The following TMEM131L variants were observed in gnomAD, a reference collection of about 807,000 sequenced individuals.
TMEM131L encodes the protein transmembrane protein 131-like.
TMEM131L carries 54 observed loss-of-function variants against 192.2 expected under a neutral mutation model. The observed-to-expected ratio is 0.28, with a 90% CI of 0.23 to 0.35. The LOEUF is 0.35. TMEM131L is among the 10% of genes least tolerant of loss of function. The pLI, the probability that TMEM131L is intolerant of heterozygous loss-of-function variation, is 1.00. For synonymous variants in TMEM131L, 701 were observed against 704.9 expected, an observed-to-expected ratio of 0.99 and a Z score of 0.09; for missense variants, 1,888 against 1,972.9, an observed-to-expected ratio of 0.96 and a Z score of 0.82.
Position 153,576,962 on chromosome 4 carries a change from G to T in TMEM131L, c.661-3864G>T, listed in dbSNP as rs144901548. Among the ~76,000 whole-genome samples the T allele has an allele frequency of 8.4e-4, 128 of 152,258 alleles. No individual in the cohort carries two copies. The South Asian group carries it at 0.01, about 12-fold the overall frequency. On this transcript the variant is annotated intron_variant, in intron 7 of 34. Transcript: ENST00000409959. ...GATAGGCATTGTGCATTCGAAGCACGAGATGCTTAGAATCTCCTGGCGTAG... is the reference window on the plus strand; with the variant it reads ...GATAGGCATTGTGCATTCGAAGCACTAGATGCTTAGAATCTCCTGGCGTAG...
chr4:153,570,347 A>G (rs1476683697), intron 7 of TMEM131L, among the ~76,000 whole-genome samples: 1 of 152,176 alleles, frequency 6.6e-6, no homozygotes, highest in Non-Finnish European at 1.5e-5. Flanking sequence ...AGAGAGCCTC[A>G]CCTTGGTTTC....
chr4:153,604,046 A>G lies in TMEM131L; in HGVS notation c.3034A>G (p.Ser1012Gly). ...GGAAAAACAGACTTCACCCCTGGGC[A>G]GCTCACTGCCTGCTGCTAAAGAGGA... ...TEEKQTSPLG[S>G]SLPAAKEDIC... Residue 1012 changes from serine (S) to glycine (G), a missense_variant, in exon 25 of 35, where the codon AGC becomes GGC. Coordinates refer to ENST00000409959, the MANE Select transcript of TMEM131L (RefSeq NM_001131007.2). 1 of 1,614,204 alleles carries G rather than the reference A, an allele frequency of 6.2e-7. No homozygotes were observed. The highest frequency in any genetic ancestry group is 8.5e-7 in the Non-Finnish European group (1 of 1,180,026).
intron 7 of TMEM131L, among the ~76,000 whole-genome samples, chr4:153,563,575 CT>C (rs911512754): frequency 6.6e-5 from 10 of 150,378 alleles, no homozygotes; most frequent in African/African-American, 2.4e-4. Context: ...TCGACCCGTC[CT>C]CCTGCCTCAG....
chr4:153,491,640 T>C (rs1338749357), intron 3 of TMEM131L, among the ~76,000 whole-genome samples: 1 of 152,196 alleles, frequency 6.6e-6, no homozygotes, highest in Non-Finnish European at 1.5e-5. Flanking sequence ...TATACACATT[T>C]AATATAATTA....
chr4:153,608,992 C>T (rs1732433404), intron 25 of TMEM131L, among the ~76,000 whole-genome samples: 2 of 152,062 alleles, frequency 1.3e-5, no homozygotes, highest in African/African-American at 4.8e-5. Context: ...CTCCTGCCCC[C>T]TTTATTATTA....
At position 153,636,666 on chromosome 4, in the gene TMEM131L, G is replaced by A. The variant is rs1181438198; in HGVS notation, c.*90G>A. The A allele has an allele frequency of 2.3e-6, 3 of 1,328,398 alleles. No homozygotes were observed. Among genetic ancestry groups the A allele is most frequent in the African/African-American group, 3.0e-5 (2 of 67,582 alleles). 82.3% of individuals were successfully genotyped at this position (1,328,398 alleles called of 1,614,324 possible). ...GTTATTGAGATAGATTATGACATTG[G>A]TGGATATTTTGGCACTTTTATATGA... is the stretch of plus-strand genomic sequence containing the variant. On this transcript the variant is annotated 3_prime_UTR_variant, in exon 35 of 35. Transcript: ENST00000409959.
intron 11 of TMEM131L, 23 bp downstream of exon 11, chr4:153,583,695 T>A (rs767540792): frequency 7.5e-7 from 1 of 1,340,898 alleles, no homozygotes; most frequent in Non-Finnish European, 1.1e-6. Context: ...AAACAGATTG[T>A]CATTTGACTT....
rs1346359468 is a variant in TMEM131L at position 153,588,874 on chromosome 4, C to T, written c.1553-16C>T. On this transcript the variant is annotated splice_polypyrimidine_tract_variant and intron_variant, in intron 15 of 34. Coordinates refer to ENST00000409959, the MANE Select transcript of TMEM131L (RefSeq NM_001131007.2). ...TTTTCTGTAAATCTAAATATGGAAT[C>T]TGATCTAACTTTTAGGAAATCCTAA... 1 of 1,250,726 alleles carries T rather than the reference C, an allele frequency of 8.0e-7. No homozygotes were observed. Among genetic ancestry groups the T allele is most frequent in the South Asian group, 1.2e-5 (1 of 82,668 alleles). 77.5% of individuals were successfully genotyped at this position (1,250,726 alleles called of 1,614,324 possible).
chr4:153,598,721 A>G lies in TMEM131L; in HGVS notation c.2255A>G (p.Asp752Gly). The change falls in exon 21 of 35, where the codon GAC becomes GGC. Residue 752 changes from aspartate (D) to glycine (G), a missense_variant. Asp to Gly is a moderately conservative substitution (Grantham distance 94). Coordinates refer to ENST00000409959, the MANE Select transcript of TMEM131L (RefSeq NM_001131007.2). ...RFKVPESTLM[D>G]CRRQLKDSKQ... ...AAGGTGCCCGAGTCCACGCTGATGG[A>G]CTGCCGTAGACGTGAGTTCATATGT... is the stretch of plus-strand genomic sequence containing the variant. 6.2e-7 allele frequency: 1 copy of G among 1,613,606 alleles called. No individual in the cohort carries two copies. Among genetic ancestry groups the G allele is most frequent in the South Asian group, 1.1e-5 (1 of 91,044 alleles).
At chr4:153,507,650 A>G (rs1450073995) in intron 3 of TMEM131L, among the ~76,000 whole-genome samples, 2 of 152,200 alleles carry the variant, frequency 1.3e-5, no homozygotes, top group Non-Finnish European at 2.9e-5. Flanking sequence ...CAGACTTTTG[A>G]CTTAAGTTTC....
chr4:153,533,622 T>C (rs530748082), intron 3 of TMEM131L, among the ~76,000 whole-genome samples: 1 of 152,298 alleles, frequency 6.6e-6, no homozygotes, highest in East Asian at 1.9e-4. Flanking sequence ...TGCTACTTTC[T>C]AAAAGATTCT....
chr4:153,569,690 T>C (rs752747609), intron 7 of TMEM131L, among the ~76,000 whole-genome samples: 9 of 152,218 alleles, frequency 5.9e-5, no homozygotes, highest in Non-Finnish European at 1.2e-4. Context: ...TCTCCCTGTG[T>C]CTCAGTTTAT....
At chr4:153,528,866 G>A (rs1259637502) in intron 3 of TMEM131L, among the ~76,000 whole-genome samples, 1 of 152,140 alleles carries the variant, frequency 6.6e-6, no homozygotes, top group Non-Finnish European at 1.5e-5. Flanking sequence ...ATCTGCAATG[G>A]TTTCTTATCT....
chr4:153,537,532 G>T (rs111398882), intron 3 of TMEM131L, among the ~76,000 whole-genome samples: 1 of 152,034 alleles, frequency 6.6e-6, no homozygotes, highest in Non-Finnish European at 1.5e-5. Context: ...TTTTTTGACC[G>T]TATAGGGTAA....
intron 20 of TMEM131L, among the ~76,000 whole-genome samples, chr4:153,596,615 AG>A (rs1731459298): frequency 6.6e-6 from 1 of 152,222 alleles, no homozygotes; most frequent in East Asian, 1.9e-4. Context: ...GCATGTCTCC[AG>A]GAGAGGTAGT....
rs80260911 is a variant in TMEM131L at position 153,634,378 on chromosome 4, A to G, written c.4417+98A>G. ...AAGAAGAATCCTTTTAACAGCGAGC[A>G]GACTTTGAGAATGAGCTTGCAGTAG... On this transcript the variant is annotated intron_variant, in intron 33 of 34. Coordinates refer to ENST00000409959, the MANE Select transcript of TMEM131L (RefSeq NM_001131007.2). The G allele has an allele frequency of 4.7e-3, 4,638 of 976,864 alleles. 26 individuals are homozygous for G. The highest frequency in any genetic ancestry group is 0.029 in the Middle Eastern group (137 of 4,774). 60.5% of individuals were successfully genotyped at this position (976,864 alleles called of 1,614,324 possible). A position where few individuals can be genotyped will look rare whatever the true frequency, so the allele number is the denominator to read the frequency against.
At chr4:153,574,903 A>G (rs887834970) in intron 7 of TMEM131L, among the ~76,000 whole-genome samples, 2 of 152,234 alleles carry the variant, frequency 1.3e-5, no homozygotes, top group African/African-American at 4.8e-5. Flanking sequence ...TTACTTTTAT[A>G]ATGACTTCTA....
intron 19 of TMEM131L, among the ~76,000 whole-genome samples, chr4:153,595,154 T>C (rs1200008653): frequency 6.6e-6 from 1 of 152,208 alleles, no homozygotes; most frequent in Non-Finnish European, 1.5e-5. Context: ...TTGAAAACAC[T>C]GAGTTAAAAT....
chr4:153,595,196 C>G (rs1336308680), intron 19 of TMEM131L, among the ~76,000 whole-genome samples: 2 of 152,226 alleles, frequency 1.3e-5, no homozygotes, highest in Admixed American at 6.5e-5. Context: ...AATTCTTCAT[C>G]ATGTAAAGAA....
Sources: gnomAD v4.1 joint callset for allele counts (sites outside exome capture counted in the v4.1 genomes callset) on GRCh38, gnomAD v4.1.1 for gene constraint, MANE v1.5 for transcripts, NCBI Gene and HGNC (gene_info 2026-07-23, HGNC 2026-07-21) for gene names.